Variants in HS6ST3 observed in about 807,000 individuals in gnomAD.
HS6ST3 encodes the protein heparan-sulfate 6-O-sulfotransferase 3.
HS6ST3 carries 12 observed loss-of-function variants against 36.7 expected under a neutral mutation model. The ratio of observed to expected loss-of-function variants is 0.33; its 90% CI spans 0.21 to 0.53. The LOEUF (loss-of-function observed/expected upper bound fraction) is 0.53. Ranked by LOEUF, HS6ST3 falls within the 20% of genes least tolerant of loss-of-function variation. The pLI, the probability that HS6ST3 is intolerant of heterozygous loss-of-function variation, is 0.95. For missense variants in HS6ST3, 584 were observed against 640.9 expected, an observed-to-expected ratio of 0.91 and a Z score of 0.96; for synonymous variants, 240 against 257.5, an observed-to-expected ratio of 0.93 and a Z score of 0.65.
rs145438797 is a variant in HS6ST3 at position 96,302,038 on chromosome 13, A to G, written c.707+210469A>G. Among the ~76,000 whole-genome samples, 110 of 151,874 alleles carry G rather than the reference A, an allele frequency of 7.2e-4. 2 individuals carry two copies. Among genetic ancestry groups the G allele is most frequent in the African/African-American group, 2.5e-3 (105 of 41,500 alleles). On this transcript the variant is annotated intron_variant, in intron 1 of 1. Coordinates refer to ENST00000376705, the MANE Select transcript of HS6ST3 (RefSeq NM_153456.4). The stretch of plus-strand genomic sequence containing the variant: ...ATAGCATTAAGCTAATCAAATTGGC[A>G]TGTATAAGAAAAAGAACATCACAAG...
intron 1 of HS6ST3, among the ~76,000 whole-genome samples, chr13:96,167,768 A>G (rs2054168293): frequency 6.6e-6 from 1 of 152,244 alleles, no homozygotes; most frequent in Admixed American, 6.5e-5. Context: ...ATAGTATATG[A>G]GAATTTTTAT....
chr13:96,810,779 G>A lies in HS6ST3; in HGVS notation c.708-21711G>A, dbSNP rs533061119. On this transcript the variant is annotated intron_variant, in intron 1 of 1. Coordinates refer to ENST00000376705, the MANE Select transcript of HS6ST3 (RefSeq NM_153456.4). ...AGCTTGCATGTGTGTTAAGGGGTGA[G>A]GGGATCTACTTTGCCTTTGCAGAAT... 3.3e-5 allele frequency among the ~76,000 whole-genome samples: 5 copies of A among 152,278 alleles called. No homozygotes were observed. In the South Asian group the frequency reaches 1.0e-3, roughly 32 times the overall value.
intron 1 of HS6ST3, among the ~76,000 whole-genome samples, chr13:96,569,448 T>C (rs2056293354): frequency 6.6e-6 from 1 of 152,158 alleles, no homozygotes; most frequent in Non-Finnish European, 1.5e-5. Context: ...TCCTTAGTAC[T>C]ATCATTGATC....
intron 1 of HS6ST3, among the ~76,000 whole-genome samples, chr13:96,305,829 G>A (rs1372289700): frequency 6.7e-6 from 1 of 148,210 alleles, no homozygotes; most frequent in Admixed American, 6.7e-5. Flanking sequence ...GTCATTGTTT[G>A]CCTTTCCCCC....
intron 1 of HS6ST3, among the ~76,000 whole-genome samples, chr13:96,306,105 TC>T (rs2054911755): frequency 8.7e-6 from 1 of 114,574 alleles, no homozygotes; most frequent in Non-Finnish European, 1.8e-5. Context: ...CTTTTCTTTT[TC>T]TTTTTTTTTT....
chr13:96,711,228 C>T (rs775892469), intron 1 of HS6ST3, among the ~76,000 whole-genome samples: 6 of 152,182 alleles, frequency 3.9e-5, no homozygotes, highest in South Asian at 2.1e-4. Context: ...CCTATAACCT[C>T]TGACCTGCCC....
intron 1 of HS6ST3, among the ~76,000 whole-genome samples, chr13:96,614,297 C>CAAAAAAAAAAAAAAAAAAAAAAAAAAA (rs67979751): frequency 2.3e-5 from 1 of 43,948 alleles, no homozygotes; most frequent in Non-Finnish European, 3.8e-5. Context: ...GGATCCATCT[C>CAAAAAAAAAAAAAAAAAAAAAAAAAAA]AAAAAAAAAA....
intron 1 of HS6ST3, among the ~76,000 whole-genome samples, chr13:96,594,779 G>A (rs1411245092): frequency 6.6e-6 from 1 of 152,086 alleles, no homozygotes; most frequent in Non-Finnish European, 1.5e-5. Context: ...TATAATATTA[G>A]AGTATTCCAA....
At chr13:96,518,599 G>T (rs1364813800) in intron 1 of HS6ST3, among the ~76,000 whole-genome samples, 1 of 151,936 alleles carries the variant, frequency 6.6e-6, no homozygotes, top group Non-Finnish European at 1.5e-5. Context: ...TAGTAACATG[G>T]TCATTTCTAA....
chr13:96,716,915 G>A (rs897089579), intron 1 of HS6ST3, among the ~76,000 whole-genome samples: 1 of 152,204 alleles, frequency 6.6e-6, no homozygotes, highest in African/African-American at 2.4e-5. Flanking sequence ...TCAAGCATGA[G>A]CTAGGAAGGT....
intron 1 of HS6ST3, among the ~76,000 whole-genome samples, chr13:96,377,992 A>T (rs150990996): frequency 5.7e-4 from 87 of 152,264 alleles, no homozygotes; most frequent in African/African-American, 2.0e-3. Context: ...CTGGGTTTTG[A>T]TGGAATTGAT....
chr13:96,437,763 G>A (rs2055650303), intron 1 of HS6ST3, among the ~76,000 whole-genome samples: 1 of 152,196 alleles, frequency 6.6e-6, no homozygotes, highest in South Asian at 2.1e-4. Flanking sequence ...ACATGCTAGG[G>A]AAAACAGAAC....
At chr13:96,495,549 G>A (rs1182525040) in intron 1 of HS6ST3, among the ~76,000 whole-genome samples, 5 of 152,014 alleles carry the variant, frequency 3.3e-5, no homozygotes, top group Admixed American at 3.3e-4. Flanking sequence ...TTTGTTGATG[G>A]CTTCTTTTAG....
At chr13:96,429,090 C>T (rs2139473276) in intron 1 of HS6ST3, among the ~76,000 whole-genome samples, 1 of 152,170 alleles carries the variant, frequency 6.6e-6, no homozygotes, top group South Asian at 2.1e-4. Flanking sequence ...CTTATTCAGC[C>T]AAAAGAAGAA....
chr13:96,189,447 A>C (rs74987242), intron 1 of HS6ST3, among the ~76,000 whole-genome samples: 1,633 of 151,950 alleles, frequency 0.011, 31 homozygotes, highest in African/African-American at 0.038. Flanking sequence ...CTTGGCTGGG[A>C]CTTCCCTCTA....
chr13:96,794,109 C>T (rs1445548312), intron 1 of HS6ST3, among the ~76,000 whole-genome samples: 1 of 152,018 alleles, frequency 6.6e-6, no homozygotes, highest in Non-Finnish European at 1.5e-5. Flanking sequence ...TTTGTTTCTA[C>T]TGATTTTCCA....
At chr13:96,157,920 C>T (rs1459129164) in intron 1 of HS6ST3, among the ~76,000 whole-genome samples, 1 of 152,198 alleles carries the variant, frequency 6.6e-6, no homozygotes, top group African/African-American at 2.4e-5. Flanking sequence ...ACAGCCCCTT[C>T]CTTCAAGGAA....
rs1283721460 is a variant in HS6ST3, at chr13:96,838,227, G to A, written c.*5029G>A. 1 of 152,004 alleles carries A rather than the reference G, an allele frequency of 6.6e-6. No individual in the cohort carries two copies. The highest frequency in any genetic ancestry group is 1.5e-5 in the Non-Finnish European group (1 of 67,988). The allele number at this position is 152,004 out of a possible 1,614,324, so 9.4% of individuals were successfully genotyped here. A position where few individuals can be genotyped will look rare whatever the true frequency, so the allele number is the denominator to read the frequency against. On this transcript the variant is annotated 3_prime_UTR_variant, in exon 2 of 2. Transcript: ENST00000376705. ...ACTGAAAAAATAGAAAAATGACTAA[G>A]ATACAGTCTCTGTCCTCTAGAACTA... is the stretch of plus-strand genomic sequence containing the variant.
intron 1 of HS6ST3, among the ~76,000 whole-genome samples, chr13:96,272,025 G>T (rs566376570): frequency 6.6e-6 from 1 of 152,080 alleles, no homozygotes; most frequent in South Asian, 2.1e-4. Context: ...AGTACATCTT[G>T]GTTGAATGAT....
Sources: gnomAD v4.1 joint callset for allele counts (sites outside exome capture counted in the v4.1 genomes callset) on GRCh38, gnomAD v4.1.1 for gene constraint, MANE v1.5 for transcripts, NCBI Gene and HGNC (gene_info 2026-07-23, HGNC 2026-07-21) for gene names.